Variants in PHYHIPL observed in about 807,000 individuals in gnomAD.
The protein encoded by PHYHIPL is phytanoyl-CoA 2-hydroxylase interacting protein like.
Under a neutral mutation model 33.4 loss-of-function variants are expected in PHYHIPL, and 9 were observed. The ratio of observed to expected loss-of-function variants is 0.27; its 90% CI spans 0.16 to 0.47. PHYHIPL has a LOEUF of 0.47. PHYHIPL is among the 20% of genes least tolerant of loss of function. The probability of loss-of-function intolerance (pLI) is 0.99; values close to 1 mark genes in which losing one functional copy is unlikely to be tolerated. For synonymous variants in PHYHIPL, 153 were observed against 154.1 expected (o/e 0.99, Z 0.05); for missense variants, 365 against 460.7 (o/e 0.79, Z 1.90).
chr10:59,244,577 A>AAAAAAAAAAAAAAAAAAAAC (rs1488446637), intron 4 of PHYHIPL, among the ~76,000 whole-genome samples: 1 of 148,934 alleles, frequency 6.7e-6, no homozygotes, highest in African/African-American at 2.5e-5. Flanking sequence ...AAAAAAAAAA[A>AAAAAAAAAAAAAAAAAAAAC]AAAAAAAAAG....
intron 1 of PHYHIPL, among the ~76,000 whole-genome samples, chr10:59,204,025 G>A (rs1454727935): frequency 1.3e-5 from 2 of 152,122 alleles, no homozygotes; most frequent in African/African-American, 2.4e-5. Context: ...AGGATTACAT[G>A]TTGTTACGGG....
chr10:59,199,847 GCTCT>G (rs1433320766), intron 1 of PHYHIPL, among the ~76,000 whole-genome samples: 1 of 151,974 alleles, frequency 6.6e-6, no homozygotes, highest in South Asian at 2.1e-4. Context: ...TCATGATTTG[GCTCT>G]CTGTTTGTCT....
chr10:59,175,962 C>T (rs1223847639), upstream of PHYHIPL, among the ~76,000 whole-genome samples: 1 of 152,212 alleles, frequency 6.6e-6, no homozygotes, highest in Non-Finnish European at 1.5e-5. Context: ...TTTCAGCAGG[C>T]TTGCTGCATC....
chr10:59,246,765 G>T lies in PHYHIPL; in HGVS notation c.*1174G>T, dbSNP rs1157112178. ...TAGATGTTGGAACATTAAGAAAAAT[G>T]TATATTCCCAATGAAAAAATAGTTA... On this transcript the variant is annotated 3_prime_UTR_variant, in exon 5 of 5. Coordinates refer to ENST00000373880, the MANE Select transcript of PHYHIPL (RefSeq NM_032439.4). 8 of 395,510 alleles carry T rather than the reference G, an allele frequency of 2.0e-5. No homozygotes were observed. Among genetic ancestry groups the T allele is most frequent in the Admixed American group, 4.4e-5 (1 of 22,672 alleles). 24.5% of individuals were successfully genotyped at this position (395,510 alleles called of 1,614,324 possible).
In PHYHIPL at chr10:59,176,735, G is replaced by A. The variant is rs1554853858; in HGVS notation, c.-119G>A. On this transcript the variant is annotated 5_prime_UTR_variant, in exon 1 of 5. Transcript: ENST00000373880. ...CTCAGCCTCGGCGCCGCATCACCGC[G>A]TCCCAGGCCTCCTTCCCTCCCTCTG... 8 of 901,104 alleles carry A rather than the reference G, an allele frequency of 8.9e-6. No homozygotes were observed. The South Asian group carries it at 1.2e-4, about 14-fold the overall frequency. 55.8% of individuals were successfully genotyped at this position (901,104 alleles called of 1,614,324 possible). A position where few individuals can be genotyped will look rare whatever the true frequency, so the allele number is the denominator to read the frequency against.
At chr10:59,202,205 A>G (rs1005240855) in intron 1 of PHYHIPL, among the ~76,000 whole-genome samples, 1 of 152,078 alleles carries the variant, frequency 6.6e-6, no homozygotes, top group African/African-American at 2.4e-5. Context: ...ATCCCAAAGG[A>G]GTGGGGGTTG....
intron 1 of PHYHIPL, among the ~76,000 whole-genome samples, chr10:59,203,315 G>T (rs921108019): frequency 6.6e-6 from 1 of 152,148 alleles, no homozygotes; most frequent in Non-Finnish European, 1.5e-5. Flanking sequence ...TTACACTGTT[G>T]CTGGGACTGT....
chr10:59,198,160 C>T (rs955091469), intron 1 of PHYHIPL, among the ~76,000 whole-genome samples: 1 of 152,126 alleles, frequency 6.6e-6, no homozygotes, highest in Non-Finnish European at 1.5e-5. Context: ...CCCGTTAACT[C>T]ATCATTTACA....
chr10:59,219,162 A>G, intron 1 of PHYHIPL: 1 of 663,530 alleles, frequency 1.5e-6, no homozygotes, highest in Non-Finnish European at 1.9e-6. Flanking sequence ...AGACTTTTTG[A>G]TGCCTCATAA....
intron 1 of PHYHIPL, among the ~76,000 whole-genome samples, chr10:59,188,227 G>C (rs889182083): frequency 3.3e-5 from 5 of 152,018 alleles, no homozygotes; most frequent in Admixed American, 2.6e-4. Flanking sequence ...TTATGTACCC[G>C]GTAGTCATTC....
At chr10:59,183,650 T>C (rs1165414954) in intron 1 of PHYHIPL, 8 of 985,122 alleles carry the variant, frequency 8.1e-6, no homozygotes, top group East Asian at 2.3e-4. Context: ...CTAAGAGCTC[T>C]GTATTTTGAA....
At chr10:59,194,547 A>G (rs192420921) in intron 1 of PHYHIPL, among the ~76,000 whole-genome samples, 17 of 152,302 alleles carry the variant, frequency 1.1e-4, no homozygotes, top group South Asian at 6.2e-4. Flanking sequence ...CTGATGTGCC[A>G]TATTTTAAGG....
At chr10:59,221,783 A>C (rs1358409416) in intron 1 of PHYHIPL, 8 of 704,042 alleles carry the variant, frequency 1.1e-5, no homozygotes, top group Non-Finnish European at 1.4e-5. Context: ...AATTAACTGC[A>C]TTTAGATTCT....
chr10:59,245,136 G>A lies in PHYHIPL; in HGVS notation c.676G>A (p.Glu226Lys). Residue 226 changes from glutamate to lysine, a missense_variant, in exon 5 of 5, where the codon GAA (glutamate) becomes AAA (lysine). Around this residue, in one of 4 missense-constraint regions of PHYHIPL, gnomAD observed 196 missense variants for 224.9 expected, o/e 0.87. Coordinates refer to ENST00000373880, the MANE Select transcript of PHYHIPL (RefSeq NM_032439.4). ...TGGCTCTCCTATCAGTGGAAAATTAGAAGGCATCTTCTTCAGCTGCAGCAC... is the reference window on the plus strand; with the variant it reads ...TGGCTCTCCTATCAGTGGAAAATTAAAAGGCATCTTCTTCAGCTGCAGCAC... Reference protein sequence around the residue: ...SHGSPISGKLEGIFFSCSTEF... With the variant: ...SHGSPISGKLKGIFFSCSTEF... 3.1e-6 allele frequency: 5 copies of A among 1,614,122 alleles called. No individual in the cohort carries two copies. Among genetic ancestry groups the A allele is most frequent in the Non-Finnish European group, 4.2e-6 (5 of 1,180,014 alleles).
chr10:59,177,070 C>G, intron 1 of PHYHIPL, 111 bp downstream of exon 1: 5 of 888,918 alleles, frequency 5.6e-6, no homozygotes, highest in South Asian at 4.7e-5. Context: ...TTTGTTGTCC[C>G]CTCTGTGCAA....
At chr10:59,180,688 G>C (rs987167147) in intron 1 of PHYHIPL, among the ~76,000 whole-genome samples, 5 of 151,846 alleles carry the variant, frequency 3.3e-5, no homozygotes, top group African/African-American at 1.2e-4. Context: ...AGGAAAAAAA[G>C]ATTTTATCTC....
intron 4 of PHYHIPL, among the ~76,000 whole-genome samples, chr10:59,243,210 A>G (rs1399505816): frequency 6.6e-6 from 1 of 152,186 alleles, no homozygotes; most frequent in African/African-American, 2.4e-5. Context: ...TGACATCATC[A>G]TCAGAAATTA....
rs193291471 is a variant in PHYHIPL at position 59,196,518 on chromosome 10, C to T, written c.106+19559C>T. On this transcript the variant is annotated intron_variant, in intron 1 of 4. Transcript: ENST00000373880. ...GCAAGCTCCACCTCCCGGGTTCACG[C>T]CATTCTCCTCACACCTCAGCCTCCT... 4.1e-3 allele frequency among the ~76,000 whole-genome samples: 627 copies of T among 151,408 alleles called. 6 individuals are homozygous for T. The highest frequency in any genetic ancestry group is 0.011 in the African/African-American group (472 of 41,276).
rs555838860 is a variant in PHYHIPL, at chr10:59,194,088, T to G, written c.106+17129T>G. 2.9e-4 allele frequency among the ~76,000 whole-genome samples: 43 copies of G among 148,816 alleles called. No homozygotes were observed. In the South Asian group the frequency reaches 3.6e-3, roughly 13 times the overall value. ...TATTTCTTTACCTATATGTTTTTTT[T>G]TTTTTTTTTTTTTGAGGCAGTCTTG... On this transcript the variant is annotated intron_variant, in intron 1 of 4. Coordinates refer to ENST00000373880, the MANE Select transcript of PHYHIPL (RefSeq NM_032439.4).
Sources: gnomAD v4.1 joint callset for allele counts (sites outside exome capture counted in the v4.1 genomes callset) on GRCh38, gnomAD v4.1.1 for gene constraint, gnomAD v4.1.1 regional missense constraint, MANE v1.5 for transcripts, NCBI Gene and HGNC (gene_info 2026-07-23, HGNC 2026-07-21) for gene names.